Variants in EPN1 observed in about 807,000 individuals in gnomAD.
EPN1 encodes epsin 1.
In EPN1, 25 loss-of-function variants were observed where a neutral mutation model predicts 56.9. That is an observed-to-expected ratio of 0.44 (90% CI 0.32 to 0.61). The LOEUF (loss-of-function observed/expected upper bound fraction) is 0.61. EPN1 is among the 20% of genes least tolerant of loss of function. EPN1 has a pLI of 0.05. For missense variants in EPN1, 785 were observed against 823.7 expected, an observed-to-expected ratio of 0.95 and a Z score of 0.58; for synonymous variants, 411 against 361.8, an observed-to-expected ratio of 1.14 and a Z score of -1.54.
intron 1 of EPN1, chr19:55,677,860 C>G: frequency 8.1e-7 from 1 of 1,240,702 alleles, no homozygotes; most frequent in Middle Eastern, 2.9e-4. Flanking sequence ...TGCCCTCCCT[C>G]TCCACTTCCT....
Position 55,696,513 on chromosome 19 carries a change from T to A in EPN1, c.*1157T>A, listed in dbSNP as rs1268567738. On this transcript the variant is annotated 3_prime_UTR_variant, in exon 11 of 11. Coordinates refer to ENST00000270460, the MANE Select transcript of EPN1 (RefSeq NM_001130072.2). ...AGTCCTGACGGCTGGGTTCGCTCCC[T>A]CAGTGACTCCGACAGCTCTTGTCTC... 6.6e-6 allele frequency: 1 copy of A among 152,496 alleles called. No homozygotes were observed. The allele number at this position is 152,496 out of a possible 1,614,324, so 9.4% of individuals were successfully genotyped here. A position where few individuals can be genotyped will look rare whatever the true frequency, so the allele number is the denominator to read the frequency against.
Position 55,708,817 on chromosome 19 carries a change from C to T in EPN1, c.*13461C>T. The T allele has an allele frequency of 1.2e-6, 1 of 806,464 alleles. No homozygotes were observed. The highest frequency in any genetic ancestry group is 3.0e-5 in the Admixed American group (1 of 33,496). 50.0% of individuals were successfully genotyped at this position (806,464 alleles called of 1,614,324 possible). A position where few individuals can be genotyped will look rare whatever the true frequency, so the allele number is the denominator to read the frequency against. On this transcript the variant is annotated 3_prime_UTR_variant, in exon 11 of 11. Coordinates refer to ENST00000270460, the MANE Select transcript of EPN1 (RefSeq NM_001130072.2). ...TACCTCTGAAATCACAGCCCTGCTG[C>T]CATGATGTGCAATTACAGGATAGAG... is the stretch of plus-strand genomic sequence containing the variant.
At position 55,706,164 on chromosome 19, in the gene EPN1, TTTC is replaced by T. The variant is rs1987393381; in HGVS notation, c.*10815_*10817del. The stretch of plus-strand genomic sequence containing the variant: ...TTTCTTCTTCCTCCTCCTCCTCTCT[TTTC>T]TTCTTCCTCTTCCTCCTTTTTCTCC... On this transcript the variant is annotated 3_prime_UTR_variant, in exon 11 of 11. Coordinates refer to ENST00000270460, the MANE Select transcript of EPN1 (RefSeq NM_001130072.2). 5.6e-6 allele frequency: 1 copy of T among 177,374 alleles called. No homozygotes were observed. Among genetic ancestry groups the T allele is most frequent in the Non-Finnish European group, 1.2e-5 (1 of 84,062 alleles). The allele number at this position is 177,374 out of a possible 1,614,324, so 11.0% of individuals were successfully genotyped here. A position where few individuals can be genotyped will look rare whatever the true frequency, so the allele number is the denominator to read the frequency against.
rs566588828 is a variant in EPN1, at chr19:55,687,099, T to A, written c.478+1454T>A. ...TTATGTAGTTTTCACGTGTCTTTTT[T>A]AAGACTTTTAAGTTGTTATTTAATT... On this transcript the variant is annotated intron_variant, in intron 3 of 10. Coordinates refer to ENST00000270460, the MANE Select transcript of EPN1 (RefSeq NM_001130072.2). 1.1e-3 allele frequency among the ~76,000 whole-genome samples: 171 copies of A among 152,346 alleles called. 2 individuals carry two copies. Among genetic ancestry groups the A allele is most frequent in the African/African-American group, 4.0e-3 (166 of 41,574 alleles).
Position 55,707,226 on chromosome 19 carries a change from C to T in EPN1, c.*11870C>T, listed in dbSNP as rs962978604. The T allele has an allele frequency of 1.3e-5, 2 of 151,984 alleles. No individual in the cohort carries two copies. The highest frequency in any genetic ancestry group is 2.9e-5 in the Non-Finnish European group (2 of 68,056). The allele number at this position is 151,984 out of a possible 1,614,324, so 9.4% of individuals were successfully genotyped here. A position where few individuals can be genotyped will look rare whatever the true frequency, so the allele number is the denominator to read the frequency against. On this transcript the variant is annotated 3_prime_UTR_variant, in exon 11 of 11. Transcript: ENST00000270460. ...GAACGGTAGTGTGCACCTGTGGTCC[C>T]AGCTACACAGGAGGCTGAGGCAGGA...
chr19:55,682,772 T>C (rs1036364844), intron 2 of EPN1, among the ~76,000 whole-genome samples: 1 of 151,734 alleles, frequency 6.6e-6, no homozygotes, highest in Non-Finnish European at 1.5e-5. Flanking sequence ...TTTATTTATT[T>C]ATGAGACGGA....
rs1265776293 is a variant in EPN1, at chr19:55,699,548, T to C, written c.*4192T>C. 5 of 152,180 alleles carry C rather than the reference T, an allele frequency of 3.3e-5. No individual in the cohort carries two copies. The East Asian group carries it at 9.6e-4, about 29-fold the overall frequency. 9.4% of individuals were successfully genotyped at this position (152,180 alleles called of 1,614,324 possible). A position where few individuals can be genotyped will look rare whatever the true frequency, so the allele number is the denominator to read the frequency against. ...GCAGCCCAAGGATTGGCTGCTTGCT[T>C]TTGTAAAAAAAAATGTTTTATTAGA... On this transcript the variant is annotated 3_prime_UTR_variant, in exon 11 of 11. Transcript: ENST00000270460.
chr19:55,677,339 C>G lies in EPN1; in HGVS notation c.-101-1188C>G, dbSNP rs1985505259. The stretch of plus-strand genomic sequence containing the variant: ...GTTAATACATGTAAAGCACTTAAAA[C>G]AGTGCCTGGCATGGGATAAGAGCAG... On this transcript the variant is annotated intron_variant, in intron 1 of 10. Transcript: ENST00000270460. 4 of 729,426 alleles carry G rather than the reference C, an allele frequency of 5.5e-6. 1 individual carries two copies. The highest frequency in any genetic ancestry group is 3.1e-5 in the South Asian group (2 of 65,050). The allele number at this position is 729,426 out of a possible 1,614,324, so 45.2% of individuals were successfully genotyped here.
chr19:55,709,100 C>T lies in EPN1; in HGVS notation c.*13744C>T. ...TGTTTTTCATTTTTACACAGTATTG[C>T]CTCTCTACATTCTGATGTCTACCTC... On this transcript the variant is annotated 3_prime_UTR_variant, in exon 11 of 11. Coordinates refer to ENST00000270460, the MANE Select transcript of EPN1 (RefSeq NM_001130072.2). 7.6e-7 allele frequency: 1 copy of T among 1,314,152 alleles called. No homozygotes were observed. The highest frequency in any genetic ancestry group is 1.0e-6 in the Non-Finnish European group (1 of 965,314). 81.4% of individuals were successfully genotyped at this position (1,314,152 alleles called of 1,614,324 possible). A position where few individuals can be genotyped will look rare whatever the true frequency, so the allele number is the denominator to read the frequency against.
chr19:55,695,051 G>T lies in EPN1; in HGVS notation c.1522+68G>T. ...TCCACCAGAGGAGGTGCCTCACGGGGCAGGGACACTTCGCCCTTTGCCTGC... is the reference window on the plus strand; with the variant it reads ...TCCACCAGAGGAGGTGCCTCACGGGTCAGGGACACTTCGCCCTTTGCCTGC... On this transcript the variant is annotated intron_variant, in intron 10 of 10. Coordinates refer to ENST00000270460, the MANE Select transcript of EPN1 (RefSeq NM_001130072.2). The surrounding 1 kb of genome is among the most constrained non-coding windows in gnomAD (Gnocchi z 4.4). The T allele has an allele frequency of 6.3e-7, 1 of 1,587,354 alleles. No individual in the cohort carries two copies. Among genetic ancestry groups the T allele is most frequent in the South Asian group, 1.1e-5 (1 of 87,530 alleles).
At position 55,709,439 on chromosome 19, in the gene EPN1, A is replaced by G. The variant is rs1374437096; in HGVS notation, c.*14083A>G. The stretch of plus-strand genomic sequence containing the variant: ...ACTAATATAATGAATTCATGTACCC[A>G]TCACCAACTTCTACAATTACCAATA... On this transcript the variant is annotated 3_prime_UTR_variant, in exon 11 of 11. Transcript: ENST00000270460. 1 of 153,068 alleles carries G rather than the reference A, an allele frequency of 6.5e-6. No individual in the cohort carries two copies. Among genetic ancestry groups the G allele is most frequent in the South Asian group, 2.0e-4 (1 of 4,890 alleles). The allele number at this position is 153,068 out of a possible 1,614,324, so 9.5% of individuals were successfully genotyped here. A position where few individuals can be genotyped will look rare whatever the true frequency, so the allele number is the denominator to read the frequency against.
chr19:55,692,762 G>A lies in EPN1; in HGVS notation c.1143G>A (p.Gly381=). 6.3e-7 allele frequency: 1 copy of A among 1,590,134 alleles called. No individual in the cohort carries two copies. Among genetic ancestry groups the A allele is most frequent in the South Asian group, 1.1e-5 (1 of 88,058 alleles). ...PAPAFSDPWG[G]SPAKPSTNGT... is the part of the protein sequence containing the mutation. The stretch of plus-strand genomic sequence containing the variant: ...CGGCCTTCTCAGATCCCTGGGGAGG[G>A]TCACCTGCCAAGCCCAGCACCAATG... Residue 381 remains glycine (G), a synonymous_variant, in exon 8 of 11, where the codon GGG becomes GGA. Coordinates refer to ENST00000270460, the MANE Select transcript of EPN1 (RefSeq NM_001130072.2).
rs552882847 is a variant in EPN1 at position 55,691,846 on chromosome 19, C to G, written c.855C>G (p.Ala285=). Reference sequence around the variant, plus strand: ...GGGGCCCAGCACCCATGGCTGCTGCCGTCCCCACGGCTGCCCCCACCTCGG... The same window carrying G: ...GGGGCCCAGCACCCATGGCTGCTGCGGTCCCCACGGCTGCCCCCACCTCGG... ...PWGGPAPMAA[A]VPTAAPTSDP... Residue 285 remains alanine (A), a synonymous_variant, in exon 7 of 11, where the codon GCC becomes GCG. Coordinates refer to ENST00000270460, the MANE Select transcript of EPN1 (RefSeq NM_001130072.2). The surrounding 1 kb of genome is among the most constrained non-coding windows in gnomAD (Gnocchi z 5.6). The G allele has an allele frequency of 6.2e-7, 1 of 1,606,158 alleles. No homozygotes were observed. Among genetic ancestry groups the G allele is most frequent in the African/African-American group, 1.3e-5 (1 of 74,720 alleles).
Position 55,695,113 on chromosome 19 carries a change from C to G in EPN1, c.1523-35C>G. ...GGACACAGGTGGGCTGCGCCACTGACTCCACTCCGTGTCTCTGGTTTACTC... is the reference window on the plus strand; with the variant it reads ...GGACACAGGTGGGCTGCGCCACTGAGTCCACTCCGTGTCTCTGGTTTACTC... On this transcript the variant is annotated intron_variant, in intron 10 of 10. Transcript: ENST00000270460. This position sits in a 1 kb window ranked among gnomAD's most constrained non-coding sequence, Gnocchi z 4.4. 6 of 1,612,726 alleles carry G rather than the reference C, an allele frequency of 3.7e-6. No individual in the cohort carries two copies. The highest frequency in any genetic ancestry group is 5.1e-6 in the Non-Finnish European group (6 of 1,179,090).
intron 3 of EPN1, among the ~76,000 whole-genome samples, chr19:55,686,008 G>A (rs763461442): frequency 2.0e-5 from 3 of 152,180 alleles, no homozygotes; most frequent in Non-Finnish European, 4.4e-5. Context: ...TTCTCTCTGC[G>A]CTGAGATGAG....
At position 55,699,095 on chromosome 19, in the gene EPN1, C is replaced by T. The variant is rs888955966; in HGVS notation, c.*3739C>T. 2.6e-5 allele frequency: 4 copies of T among 152,084 alleles called. No homozygotes were observed. The highest frequency in any genetic ancestry group is 9.7e-5 in the African/African-American group (4 of 41,378). The allele number at this position is 152,084 out of a possible 1,614,324, so 9.4% of individuals were successfully genotyped here. ...TATTATACTTTAAGTTCTAGGGTAC[C>T]TATGCACAACGCGCAGGTTTGTTAC... is the stretch of plus-strand genomic sequence containing the variant. On this transcript the variant is annotated 3_prime_UTR_variant, in exon 11 of 11. Coordinates refer to ENST00000270460, the MANE Select transcript of EPN1 (RefSeq NM_001130072.2).
chr19:55,692,574 G>A, intron 7 of EPN1, 112 bp from the exon 8 acceptor site: 1 of 671,138 alleles, frequency 1.5e-6, no homozygotes, highest in Non-Finnish European at 2.4e-6. Flanking sequence ...TGGGTTTCTG[G>A]GGGGCAGGGG....
rs1987588560 is a variant in EPN1, at chr19:55,709,102, T to G, written c.*13746T>G. 7.9e-7 allele frequency: 1 copy of G among 1,262,932 alleles called. No homozygotes were observed. Among genetic ancestry groups the G allele is most frequent in the Non-Finnish European group, 1.1e-6 (1 of 922,162 alleles). 78.2% of individuals were successfully genotyped at this position (1,262,932 alleles called of 1,614,324 possible). ...TTTTTCATTTTTACACAGTATTGCCTCTCTACATTCTGATGTCTACCTCTC... is the reference window on the plus strand; with the variant it reads ...TTTTTCATTTTTACACAGTATTGCCGCTCTACATTCTGATGTCTACCTCTC... On this transcript the variant is annotated 3_prime_UTR_variant, in exon 11 of 11. Coordinates refer to ENST00000270460, the MANE Select transcript of EPN1 (RefSeq NM_001130072.2).
At chr19:55,676,233 T>C (rs1223239416) in intron 1 of EPN1, among the ~76,000 whole-genome samples, 2 of 152,252 alleles carry the variant, frequency 1.3e-5, no homozygotes, top group African/African-American at 2.4e-5. Context: ...CTGGTTTTTA[T>C]TATTACAGTG....
Sources: allele counts gnomAD v4.1 joint callset (sites outside exome capture counted in the v4.1 genomes callset), GRCh38; gene constraint gnomAD v4.1.1; non-coding constraint Gnocchi (gnomAD v3.1); transcripts MANE v1.5; gene names NCBI Gene and HGNC (gene_info 2026-07-23, HGNC 2026-07-21).